DNAJB6: variants seen among roughly 807,000 people sequenced by gnomAD.
The protein encoded by DNAJB6 is DnaJ heat shock protein family (Hsp40) member B6.
DNAJB6 carries 16 observed loss-of-function variants against 42.7 expected under a neutral mutation model. That is an observed-to-expected ratio of 0.37 (90% confidence interval 0.25 to 0.57). The LOEUF is 0.57. Ranked by LOEUF, DNAJB6 falls within the 20% of genes least tolerant of loss-of-function variation. DNAJB6 has a pLI of 0.74. For synonymous variants in DNAJB6, 170 were observed against 163.5 expected, an observed-to-expected ratio of 1.04 and a Z score of -0.30; for missense variants, 347 against 416.8, an observed-to-expected ratio of 0.83 and a Z score of 1.46.
chr7:157,371,870 G>A (rs1422056844), intron 5 of DNAJB6, among the ~76,000 whole-genome samples: 2 of 152,196 alleles, frequency 1.3e-5, no homozygotes, highest in Non-Finnish European at 2.9e-5. Context: ...AAGCCTGTGG[G>A]TTTAACTTCA....
chr7:157,342,229 G>T (rs6952017), intron 1 of DNAJB6, among the ~76,000 whole-genome samples: 20,708 of 151,704 alleles, frequency 0.14, 2,700 homozygotes, highest in African/African-American at 0.34. Context: ...GTGCAGTGGC[G>T]TGATCTCAGC....
chr7:157,343,957 A>G (rs1306123098), intron 1 of DNAJB6, among the ~76,000 whole-genome samples: 1 of 152,088 alleles, frequency 6.6e-6, no homozygotes, highest in African/African-American at 2.4e-5. Flanking sequence ...TTTTTTCTTA[A>G]TTTCTTAATT....
intron 5 of DNAJB6, among the ~76,000 whole-genome samples, chr7:157,376,745 G>T (rs1301583634): frequency 6.6e-6 from 1 of 152,142 alleles, no homozygotes; most frequent in Non-Finnish European, 1.5e-5. Context: ...GCCAGGCGGG[G>T]TGGCAGGCAC....
chr7:157,397,277 C>G (rs796811724), intron 8 of DNAJB6, among the ~76,000 whole-genome samples: 137 of 152,328 alleles, frequency 9.0e-4, no homozygotes, highest in African/African-American at 3.2e-3. Flanking sequence ...TTTGGTGTCT[C>G]CTTGAACCTC....
chr7:157,396,656 CTG>C (rs1801598290), intron 8 of DNAJB6, among the ~76,000 whole-genome samples: 1 of 152,316 alleles, frequency 6.6e-6, no homozygotes, highest in Admixed American at 6.5e-5. Context: ...CTGGGGTACT[CTG>C]TGGACCGCAG....
chr7:157,390,891 A>G (rs773988793), intron 8 of DNAJB6, among the ~76,000 whole-genome samples: 6 of 152,206 alleles, frequency 3.9e-5, no homozygotes, highest in Non-Finnish European at 8.8e-5. Context: ...GCTGGAGTAC[A>G]GTGGTGCAGT....
At chr7:157,400,383 C>T (rs1440491503) in intron 8 of DNAJB6, among the ~76,000 whole-genome samples, 1 of 48,598 alleles carries the variant, frequency 2.1e-5, no homozygotes, top group Non-Finnish European at 3.6e-5. Flanking sequence ...TGTGGTGTGC[C>T]GTGATGCTTG....
At position 157,345,780 on chromosome 7, in the gene DNAJB6, A is replaced by G. The variant is rs540596680; in HGVS notation, c.-27+8636A>G. Among the ~76,000 whole-genome samples the G allele has an allele frequency of 2.6e-5, 4 of 152,310 alleles. No homozygotes were observed. The South Asian group carries it at 8.3e-4, about 32-fold the overall frequency. On this transcript the variant is annotated intron_variant, in intron 1 of 9. Transcript: ENST00000262177. Reference sequence around the variant, plus strand: ...TGGCTTATGGAGTCTTTTGAGCAGCATGGTTTTAAAAAGGTTTTTGCCAAG... The same window carrying G: ...TGGCTTATGGAGTCTTTTGAGCAGCGTGGTTTTAAAAAGGTTTTTGCCAAG...
chr7:157,403,234 C>T (rs1354346986), intron 8 of DNAJB6, among the ~76,000 whole-genome samples: 4 of 152,106 alleles, frequency 2.6e-5, no homozygotes, highest in South Asian at 2.1e-4. Context: ...GGAAGGGCCA[C>T]GTGTGCCTTA....
intron 5 of DNAJB6, among the ~76,000 whole-genome samples, chr7:157,376,741 C>T (rs1563133497): frequency 2.0e-5 from 3 of 152,034 alleles, no homozygotes; most frequent in Non-Finnish European, 2.9e-5. Context: ...ATTAGCCAGG[C>T]GGGGTGGCAG....
Position 157,410,390 on chromosome 7 carries a change from CT to C in DNAJB6, c.898+390del, listed in dbSNP as rs546123406. 30 of 379,382 alleles carry C rather than the reference CT, an allele frequency of 7.9e-5. 2 individuals are homozygous for C. In the South Asian group the frequency reaches 3.5e-3, roughly 44 times the overall value. 23.5% of individuals were successfully genotyped at this position (379,382 alleles called of 1,614,324 possible). A position where few individuals can be genotyped will look rare whatever the true frequency, so the allele number is the denominator to read the frequency against. On this transcript the variant is annotated intron_variant, in intron 9 of 9. Transcript: ENST00000262177. ...GTGCTGGTGGGGTCTGCGTTTGCCCCTGCCCCTCCGTCAGCTTCACCTTCTC... is the reference window on the plus strand; with the variant it reads ...GTGCTGGTGGGGTCTGCGTTTGCCCCGCCCCTCCGTCAGCTTCACCTTCTC...
chr7:157,358,090 A>T (rs1219551959), intron 1 of DNAJB6, among the ~76,000 whole-genome samples: 1 of 152,126 alleles, frequency 6.6e-6, no homozygotes, highest in South Asian at 2.1e-4. Context: ...TATTGTTCCC[A>T]TGTGAAGTTA....
chr7:157,369,745 G>A (rs566223402), intron 5 of DNAJB6, among the ~76,000 whole-genome samples: 2 of 145,872 alleles, frequency 1.4e-5, no homozygotes, highest in Admixed American at 1.4e-4. Context: ...TATTAAACAG[G>A]CCCCTTCTTA....
intron 9 of DNAJB6, chr7:157,413,621 C>T (rs1189322763): frequency 6.6e-6 from 1 of 152,084 alleles, no homozygotes; most frequent in Admixed American, 6.5e-5. Context: ...CACGAAGTCC[C>T]AGAGCCCGCG....
intron 9 of DNAJB6, chr7:157,412,454 C>T (rs560625552): frequency 6.6e-6 from 1 of 152,306 alleles, no homozygotes; most frequent in East Asian, 1.9e-4. Context: ...GGGTGCAGAC[C>T]CCTTAGCTCC....
At chr7:157,339,919 T>C (rs1798269702) in intron 1 of DNAJB6, 1 of 152,232 alleles carries the variant, frequency 6.6e-6, no homozygotes, top group East Asian at 1.9e-4. Flanking sequence ...AGCCCGCGCG[T>C]CCGGCTGTCA....
At chr7:157,344,981 TTTTG>T (rs774964490) in intron 1 of DNAJB6, among the ~76,000 whole-genome samples, 7 of 152,064 alleles carry the variant, frequency 4.6e-5, no homozygotes, top group Non-Finnish European at 1.0e-4. Flanking sequence ...CTTTAAAGTT[TTTTG>T]TTTATTTTTA....
chr7:157,381,777 G>GTGTGTGTGTGT (rs1563136627), intron 5 of DNAJB6: 11 of 77,090 alleles, frequency 1.4e-4, no homozygotes, highest in East Asian at 5.7e-4. Context: ...TGTGTGTGTG[G>GTGTGTGTGTGT]GCGCGCGCAT....
chr7:157,337,590 C>T (rs115766808), intron 1 of DNAJB6: 1,677 of 151,706 alleles, frequency 0.011, 30 homozygotes, highest in East Asian at 0.06. Context: ...AGCAGGAATG[C>T]CGCAGCCGTG....
Sources: allele counts gnomAD v4.1 joint callset (sites outside exome capture counted in the v4.1 genomes callset), GRCh38; gene constraint gnomAD v4.1.1; transcripts MANE v1.5; gene names NCBI Gene and HGNC (gene_info 2026-07-23, HGNC 2026-07-21).